Variants in RAB40B observed in about 807,000 individuals in gnomAD.
The protein encoded by RAB40B is ras-related protein Rab-40B.
RAB40B carries 21 observed loss-of-function variants against 24.0 expected under a neutral mutation model. The observed-to-expected ratio is 0.88, with a 90% confidence interval of 0.62 to 1.26. The LOEUF (loss-of-function observed/expected upper bound fraction) is 1.26. RAB40B is among the 50% of genes most tolerant of loss of function. The pLI is 0.00. For synonymous variants in RAB40B, 167 were observed against 169.8 expected, an observed-to-expected ratio of 0.98 and a Z score of 0.13; for missense variants, 348 against 390.5, an observed-to-expected ratio of 0.89 and a Z score of 0.92.
At position 82,698,471 on chromosome 17, in the gene RAB40B, C is replaced by T; in HGVS notation, c.126G>A (p.Pro42=). ...ASLQDGAAES[P]YGHPAGIDYK... Reference sequence around the variant, plus strand: ...CGCGCTCACCCGCCGGGTGGCCGTACGGGGACTCGGCCGCGCCATCCTGCA... The same window carrying T: ...CGCGCTCACCCGCCGGGTGGCCGTATGGGGACTCGGCCGCGCCATCCTGCA... Residue 42 remains proline (P), a synonymous_variant, in exon 1 of 6, where the codon CCG becomes CCA. Transcript: ENST00000571995. 1 of 1,475,568 alleles carries T rather than the reference C, an allele frequency of 6.8e-7. No individual in the cohort carries two copies. Among genetic ancestry groups the T allele is most frequent in the Non-Finnish European group, 9.1e-7 (1 of 1,102,442 alleles). The allele number at this position is 1,475,568 out of a possible 1,614,324, so 91.4% of individuals were successfully genotyped here.
Position 82,659,504 on chromosome 17 carries a change from G to A in RAB40B, c.342+76C>T. Reference sequence around the variant, plus strand: ...CCATGGGTACCCATGAGCCCTGGAGGGCCCGGCCCTAATTCCTGGCCTGAC... The same window carrying A: ...CCATGGGTACCCATGAGCCCTGGAGAGCCCGGCCCTAATTCCTGGCCTGAC... On this transcript the variant is annotated intron_variant, in intron 4 of 5. Transcript: ENST00000571995. 2.7e-6 allele frequency: 4 copies of A among 1,463,232 alleles called. No homozygotes were observed. The South Asian group carries it at 3.5e-5, about 13-fold the overall frequency. The allele number at this position is 1,463,232 out of a possible 1,614,324, so 90.6% of individuals were successfully genotyped here. A position where few individuals can be genotyped will look rare whatever the true frequency, so the allele number is the denominator to read the frequency against.
At chr17:82,658,427 G>T in intron 5 of RAB40B, 64 bp downstream of exon 5, 1 of 1,552,190 alleles carries the variant, frequency 6.4e-7, no homozygotes. Context: ...TTATCCAGGG[G>T]GCCGCTGACC....
chr17:82,662,924 G>T (rs915733547), intron 2 of RAB40B, among the ~76,000 whole-genome samples: 8 of 152,166 alleles, frequency 5.3e-5, no homozygotes, highest in East Asian at 1.9e-4. Context: ...GCGTGGGGCC[G>T]AGTGCGGCCT....
chr17:82,658,149 G>A lies in RAB40B; in HGVS notation c.566-15C>T, dbSNP rs569421947. 6.2e-7 allele frequency: 1 copy of A among 1,609,020 alleles called. No individual in the cohort carries two copies. Among genetic ancestry groups the A allele is most frequent in the South Asian group, 1.1e-5 (1 of 90,500 alleles). On this transcript the variant is annotated splice_polypyrimidine_tract_variant and intron_variant, in intron 5 of 5. Coordinates refer to ENST00000571995, the MANE Select transcript of RAB40B (RefSeq NM_006822.3). ...CAAGCTCAGCACTTGGGAGAGAAAA[G>A]ATAAACCTTGCTTAGTGGATGTCCC...
intron 1 of RAB40B, among the ~76,000 whole-genome samples, chr17:82,670,101 T>C (rs926814957): frequency 6.6e-6 from 1 of 151,946 alleles, no homozygotes; most frequent in African/African-American, 2.4e-5. Context: ...TTTCCGGAGA[T>C]TAATCCACTG....
At chr17:82,684,788 C>T (rs1264576065) in intron 1 of RAB40B, among the ~76,000 whole-genome samples, 3 of 152,104 alleles carry the variant, frequency 2.0e-5, no homozygotes, top group Non-Finnish European at 2.9e-5. Context: ...CCACCTTGAC[C>T]GTGATGGCGG....
Position 82,662,366 on chromosome 17 carries a change from C to T in RAB40B, c.204-1319G>A, listed in dbSNP as rs139658648. ...GCGGGCCAGGTCAATCTGCCAGCTTCGCAGGGAGGCCGAAGGGCCAGCACG... is the reference window on the plus strand; with the variant it reads ...GCGGGCCAGGTCAATCTGCCAGCTTTGCAGGGAGGCCGAAGGGCCAGCACG... On this transcript the variant is annotated intron_variant, in intron 2 of 5. Transcript: ENST00000571995. 3.8e-5 allele frequency: 37 copies of T among 985,486 alleles called. No individual in the cohort carries two copies. In the Admixed American group the frequency reaches 8.6e-4, roughly 23 times the overall value. The allele number at this position is 985,486 out of a possible 1,614,324, so 61.0% of individuals were successfully genotyped here.
intron 2 of RAB40B, chr17:82,662,284 A>G (rs1056843794): frequency 2.4e-5 from 24 of 985,372 alleles, no homozygotes; most frequent in Middle Eastern, 5.2e-4. Context: ...GCAGGACCTC[A>G]GGTGCTCAGG....
rs190457029 is a variant in RAB40B at position 82,674,593 on chromosome 17, C to T, written c.143-10037G>A. ...GGCGGAGCTTGCAGTGAGCCGAGAT[C>T]GCGCCACTGCACTCCAGCCTGGGCG... is the stretch of plus-strand genomic sequence containing the variant. On this transcript the variant is annotated intron_variant, in intron 1 of 5. Transcript: ENST00000571995. 9.4e-3 allele frequency among the ~76,000 whole-genome samples: 1,402 copies of T among 149,046 alleles called. 29 individuals carry two copies. The highest frequency in any genetic ancestry group is 0.033 in the African/African-American group (1,326 of 40,436).
rs1001320996 is a variant in RAB40B at position 82,675,917 on chromosome 17, CA to C, written c.143-11362del. On this transcript the variant is annotated intron_variant, in intron 1 of 5. Coordinates refer to ENST00000571995, the MANE Select transcript of RAB40B (RefSeq NM_006822.3). The surrounding 1 kb of genome is among the most constrained non-coding windows in gnomAD (Gnocchi z 4.5). ...CATCTGCTACGTGGGTCCTTCTCAC[CA>C]GGGGGGAGAGGTGGCAACAGTGACG... Among the ~76,000 whole-genome samples, 27 of 152,020 alleles carry C rather than the reference CA, an allele frequency of 1.8e-4. No homozygotes were observed. The highest frequency in any genetic ancestry group is 6.0e-4 in the African/African-American group (25 of 41,382).
chr17:82,674,339 T>TTAAAAAAAAAA (rs1179402780), intron 1 of RAB40B, among the ~76,000 whole-genome samples: 1 of 116,006 alleles, frequency 8.6e-6, no homozygotes, highest in Non-Finnish European at 1.8e-5. Flanking sequence ...AAACTCCGTC[T>TTAAAAAAAAAA]CAAAAGAAAA....
chr17:82,660,042 A>G (rs1403611804), intron 3 of RAB40B, among the ~76,000 whole-genome samples: 1 of 152,162 alleles, frequency 6.6e-6, no homozygotes, highest in African/African-American at 2.4e-5. Flanking sequence ...AGATGCACGC[A>G]CACACAGTGC....
At chr17:82,684,503 T>C (rs942702278) in intron 1 of RAB40B, among the ~76,000 whole-genome samples, 3 of 152,184 alleles carry the variant, frequency 2.0e-5, no homozygotes, top group African/African-American at 7.2e-5. Context: ...GTGGCTTTTT[T>C]CATAGATCGC....
At chr17:82,677,133 G>A (rs2046402815) in intron 1 of RAB40B, among the ~76,000 whole-genome samples, 1 of 149,352 alleles carries the variant, frequency 6.7e-6, no homozygotes, top group Non-Finnish European at 1.5e-5. Context: ...ATTTTTAGTA[G>A]AGACGGGGTT....
chr17:82,663,539 G>A lies in RAB40B; in HGVS notation c.203+957C>T, dbSNP rs1198338048. On this transcript the variant is annotated intron_variant, in intron 2 of 5. Coordinates refer to ENST00000571995, the MANE Select transcript of RAB40B (RefSeq NM_006822.3). This position sits in a 1 kb window ranked among gnomAD's most constrained non-coding sequence, Gnocchi z 6.2. ...CCCCAAGGTGGGGGTGCTGGGGGAG[G>A]GAGAGGTGCCCCGGGCTTGCCCCAA... is the stretch of plus-strand genomic sequence containing the variant. 1.3e-5 allele frequency among the ~76,000 whole-genome samples: 2 copies of A among 152,112 alleles called. No homozygotes were observed. The highest frequency in any genetic ancestry group is 4.8e-5 in the African/African-American group (2 of 41,428).
At chr17:82,676,181 G>C (rs1388592415) in intron 1 of RAB40B, among the ~76,000 whole-genome samples, 1 of 152,154 alleles carries the variant, frequency 6.6e-6, no homozygotes, top group Non-Finnish European at 1.5e-5. Context: ...AGCAGTCCAC[G>C]TCAGCTCAGC....
chr17:82,692,605 C>T lies in RAB40B; in HGVS notation c.142+5850G>A, dbSNP rs1222909505. On this transcript the variant is annotated intron_variant, in intron 1 of 5. Transcript: ENST00000571995. The surrounding 1 kb of genome is among the most constrained non-coding windows in gnomAD (Gnocchi z 4.0). Reference sequence around the variant, plus strand: ...TGCGATGCGGGGTGGGGGTGGGGGGCATCCGACTGAAAAAAGTGTGTCTCG... The same window carrying T: ...TGCGATGCGGGGTGGGGGTGGGGGGTATCCGACTGAAAAAAGTGTGTCTCG... Among the ~76,000 whole-genome samples the T allele has an allele frequency of 1.3e-5, 2 of 152,086 alleles. No homozygotes were observed. The highest frequency in any genetic ancestry group is 2.9e-5 in the Non-Finnish European group (2 of 68,012).
At chr17:82,674,564 A>G (rs1347263897) in intron 1 of RAB40B, among the ~76,000 whole-genome samples, 9 of 140,608 alleles carry the variant, frequency 6.4e-5, no homozygotes, top group Admixed American at 2.1e-4. Context: ...GCGTGAACCC[A>G]GGAGGCGGAG....
At chr17:82,674,637 TAAAA>T (rs34107818) in intron 1 of RAB40B, among the ~76,000 whole-genome samples, 1 of 143,666 alleles carries the variant, frequency 7.0e-6, no homozygotes, top group African/African-American at 2.6e-5. Context: ...AGACTCGTCT[TAAAA>T]AAAAAAAAAA....
Sources: allele counts gnomAD v4.1 joint callset (sites outside exome capture counted in the v4.1 genomes callset), GRCh38; gene constraint gnomAD v4.1.1; non-coding constraint Gnocchi (gnomAD v3.1); transcripts MANE v1.5; gene names NCBI Gene and HGNC (gene_info 2026-07-23, HGNC 2026-07-21).